The following RASA2 variants were observed in gnomAD, a reference collection of about 807,000 sequenced individuals.
RASA2 encodes RAS p21 protein activator 2, also known as ras GTPase-activating protein 2.
RASA2 carries 155 observed loss-of-function variants against 118.2 expected under a neutral mutation model. The observed-to-expected ratio is 1.31, with a 90% confidence interval of 1.15 to 1.50. The LOEUF (loss-of-function observed/expected upper bound fraction) is 1.50, where lower values mean the gene tolerates loss of function less well. RASA2 is among the 40% of genes most tolerant of loss of function. The pLI, the probability that RASA2 is intolerant of heterozygous loss-of-function variation, is 0.00. For synonymous variants in RASA2, 353 were observed against 349.1 expected (o/e 1.01, Z -0.12); for missense variants, 1,016 against 1,009.6 (o/e 1.01, Z -0.09).
chr3:141,548,314 T>A (rs995119086), intron 5 of RASA2, among the ~76,000 whole-genome samples: 1 of 152,194 alleles, frequency 6.6e-6, no homozygotes, highest in African/African-American at 2.4e-5. Flanking sequence ...GGTCCCAGGC[T>A]TTTCTTTGCT....
intron 5 of RASA2, among the ~76,000 whole-genome samples, 168 bp from the exon 6 acceptor site, chr3:141,553,689 T>C (rs2082606079): frequency 6.6e-6 from 1 of 152,220 alleles, no homozygotes; most frequent in Admixed American, 6.5e-5. Context: ...CATACATATG[T>C]CCATACATAT....
chr3:141,526,669 T>A (rs2082190113), intron 3 of RASA2, among the ~76,000 whole-genome samples: 1 of 152,210 alleles, frequency 6.6e-6, no homozygotes, highest in African/African-American at 2.4e-5. Context: ...TCTCTGTTTC[T>A]TCAGGCCAAC....
intron 9 of RASA2, among the ~76,000 whole-genome samples, chr3:141,562,398 C>T (rs1419899910): frequency 2.7e-5 from 4 of 147,500 alleles, no homozygotes; most frequent in Admixed American, 6.7e-5. Context: ...GCAAGGCAGG[C>T]GGATCATGAG....
intron 1 of RASA2, among the ~76,000 whole-genome samples, chr3:141,508,362 A>G (rs1477927576): frequency 1.3e-5 from 2 of 151,870 alleles, no homozygotes; most frequent in East Asian, 3.9e-4. Context: ...GGCACTTAAT[A>G]TTAGTGGTTT....
intron 3 of RASA2, among the ~76,000 whole-genome samples, chr3:141,518,946 TA>T (rs1457905199): frequency 6.6e-6 from 1 of 152,234 alleles, no homozygotes; most frequent in African/African-American, 2.4e-5. Context: ...ATATCCTTTA[TA>T]GAAAAGTGTT....
chr3:141,525,752 A>C (rs1223010086), intron 3 of RASA2: 1 of 152,112 alleles, frequency 6.6e-6, no homozygotes, highest in African/African-American at 2.4e-5. Flanking sequence ...GGCTGCAGTG[A>C]GCTGTAATCA....
chr3:141,550,554 T>G (rs1480660504), intron 5 of RASA2, among the ~76,000 whole-genome samples: 4 of 152,264 alleles, frequency 2.6e-5, no homozygotes, highest in Non-Finnish European at 5.9e-5. Flanking sequence ...CTACAAAACG[T>G]TAACATTTGT....
At chr3:141,503,794 C>T (rs950786783) in intron 1 of RASA2, among the ~76,000 whole-genome samples, 5 of 152,154 alleles carry the variant, frequency 3.3e-5, no homozygotes, top group African/African-American at 1.2e-4. Context: ...AGTAGGTACT[C>T]AGTAAATATT....
At position 141,580,342 on chromosome 3, in the gene RASA2, GT is replaced by G. The variant is rs753175872; in HGVS notation, c.1591-22del. ...AAACTATTTTCTTGAAAACTTAGTA[GT>G]TTTGGTCTTTTTTACATTCTTTAGG... On this transcript the variant is annotated intron_variant, in intron 15 of 23. Coordinates refer to ENST00000286364, the MANE Select transcript of RASA2 (RefSeq NM_006506.5). 423 of 1,511,132 alleles carry G rather than the reference GT, an allele frequency of 2.8e-4. 2 individuals are homozygous for G. The highest frequency in any genetic ancestry group is 4.6e-5 in the Non-Finnish European group (51 of 1,099,788). The allele number at this position is 1,511,132 out of a possible 1,614,324, so 93.6% of individuals were successfully genotyped here. A position where few individuals can be genotyped will look rare whatever the true frequency, so the allele number is the denominator to read the frequency against.
intron 3 of RASA2, among the ~76,000 whole-genome samples, chr3:141,520,205 G>T (rs1035803607): frequency 6.6e-6 from 1 of 151,760 alleles, no homozygotes; most frequent in African/African-American, 2.4e-5. Flanking sequence ...TAGAGACAGG[G>T]TTTCACCATG....
chr3:141,525,318 T>TC (rs1471016495), intron 3 of RASA2: 1 of 151,958 alleles, frequency 6.6e-6, no homozygotes, highest in East Asian at 1.9e-4. Flanking sequence ...TTGTTGACTT[T>TC]TTTTTTTTAA....
At chr3:141,567,818 A>T (rs927734638) in intron 9 of RASA2, among the ~76,000 whole-genome samples, 3 of 152,234 alleles carry the variant, frequency 2.0e-5, no homozygotes, top group Non-Finnish European at 2.9e-5. Context: ...GAACAATTGT[A>T]TAAACAGAGG....
At position 141,557,060 on chromosome 3, in the gene RASA2, C is replaced by T. The variant is rs145552234; in HGVS notation, c.684+1148C>T. ...CGCTGACTAAAGGCACTCACACTCC[C>T]CATTAGCCCACATACCTTAAACCTC... On this transcript the variant is annotated intron_variant, in intron 7 of 23. Coordinates refer to ENST00000286364, the MANE Select transcript of RASA2 (RefSeq NM_006506.5). Among the ~76,000 whole-genome samples the T allele has an allele frequency of 2.0e-3, 301 of 152,324 alleles. 1 individual carries two copies. Among genetic ancestry groups the T allele is most frequent in the African/African-American group, 7.0e-3 (289 of 41,578 alleles).
chr3:141,569,116 A>C (rs1483937774), intron 9 of RASA2, among the ~76,000 whole-genome samples: 1 of 152,164 alleles, frequency 6.6e-6, no homozygotes, highest in Admixed American at 6.5e-5. Context: ...TCACTATTTT[A>C]TATACAGCAC....
chr3:141,608,678 G>A lies in RASA2; in HGVS notation c.2206G>A (p.Gly736Ser). The change falls in exon 21 of 24, where the codon GGC becomes AGC. Residue 736 changes from glycine to serine, a missense_variant. By Grantham distance (56) the Gly-to-Ser change is moderately conservative. Coordinates refer to ENST00000286364, the MANE Select transcript of RASA2 (RefSeq NM_006506.5). Reference protein sequence around the residue: ...CCQETGENTLGCKPCTAGVPA... With the variant: ...CCQETGENTLSCKPCTAGVPA... ...TCAGGAGACTGGTGAAAACACTCTCGGCTGCAAGCCATGTACTGCGTAAGT... is the reference window on the plus strand; with the variant it reads ...TCAGGAGACTGGTGAAAACACTCTCAGCTGCAAGCCATGTACTGCGTAAGT... The A allele has an allele frequency of 6.2e-7, 1 of 1,613,548 alleles. No individual in the cohort carries two copies.
At chr3:141,583,541 C>G (rs903483854) in intron 17 of RASA2, among the ~76,000 whole-genome samples, 3 of 152,104 alleles carry the variant, frequency 2.0e-5, no homozygotes, top group African/African-American at 7.2e-5. Context: ...GTGCATGGTC[C>G]ATCTGGGAGA....
chr3:141,487,545 G>C (rs2081593245), intron 1 of RASA2, among the ~76,000 whole-genome samples: 1 of 152,022 alleles, frequency 6.6e-6, no homozygotes, highest in East Asian at 1.9e-4. Context: ...GGGCGCGGCC[G>C]GGGGCGCGGT....
chr3:141,576,826 TA>T (rs947905406), intron 14 of RASA2, among the ~76,000 whole-genome samples, 173 bp from the exon 15 acceptor site: 3 of 152,210 alleles, frequency 2.0e-5, no homozygotes, highest in African/African-American at 7.2e-5. Flanking sequence ...TTTTTAATCA[TA>T]GGGGTTTTCT....
chr3:141,521,634 A>G (rs1172086861), intron 3 of RASA2, among the ~76,000 whole-genome samples: 1 of 152,160 alleles, frequency 6.6e-6, no homozygotes, highest in Non-Finnish European at 1.5e-5. Context: ...TAGGTAAAAT[A>G]ATTTCTAGTA....
Sources: gnomAD v4.1 joint callset for allele counts (sites outside exome capture counted in the v4.1 genomes callset) on GRCh38, gnomAD v4.1.1 for gene constraint, MANE v1.5 for transcripts, NCBI Gene and HGNC (gene_info 2026-07-23, HGNC 2026-07-21) for gene names.